The following PREX1 variants were observed in gnomAD, a reference collection of about 807,000 sequenced individuals.
PREX1 encodes the protein phosphatidylinositol 3,4,5-trisphosphate-dependent Rac exchanger 1 protein.
A neutral mutation model predicts 198.3 loss-of-function variants in PREX1; 41 were observed. That is an observed-to-expected ratio of 0.21 (90% CI 0.16 to 0.27). The LOEUF is 0.27. Ranked by LOEUF, PREX1 falls within the 10% of genes least tolerant of loss-of-function variation. PREX1 has a pLI of 1.00. For synonymous variants in PREX1, 843 were observed against 887.2 expected, an observed-to-expected ratio of 0.95 and a Z score of 0.89; for missense variants, 1,620 against 2,200.7, an observed-to-expected ratio of 0.74 and a Z score of 5.28.
At chr20:48,643,594 C>A (rs140775178) in intron 27 of PREX1, among the ~76,000 whole-genome samples, 1 of 152,228 alleles carries the variant, frequency 6.6e-6, no homozygotes, top group African/African-American at 2.4e-5. Context: ...CACCAATGAG[C>A]TCCAAATGCT....
chr20:48,639,549 G>T (rs1266846692), intron 30 of PREX1, among the ~76,000 whole-genome samples: 1 of 152,048 alleles, frequency 6.6e-6, no homozygotes, highest in Non-Finnish European at 1.5e-5. Flanking sequence ...TAGAGACAGG[G>T]TCTCACTATG....
At chr20:48,854,230 A>G in the PREX1 span, among the ~76,000 whole-genome samples, 2 of 152,286 alleles carry the variant, frequency 1.3e-5, no homozygotes, top group Admixed American at 6.5e-5. Flanking sequence ...CTCCCCACTT[A>G]GTAGGAAATT....
At chr20:48,630,880 C>T (rs900688091) in intron 35 of PREX1, 86 bp from the exon 36 acceptor site, 9 of 1,002,984 alleles carry the variant, frequency 9.0e-6, no homozygotes, top group East Asian at 2.5e-5. Context: ...CTGCAGCCAC[C>T]GTGACTCCGC....
intron 1 of PREX1, among the ~76,000 whole-genome samples, chr20:48,825,393 A>T (rs1475977111): frequency 6.6e-6 from 1 of 152,238 alleles, no homozygotes; most frequent in Non-Finnish European, 1.5e-5. Context: ...TCCAAGTCAG[A>T]ACCAATTCAT....
intron 5 of PREX1, among the ~76,000 whole-genome samples, chr20:48,720,152 G>A (rs1220423535): frequency 6.6e-6 from 1 of 152,104 alleles, no homozygotes; most frequent in Non-Finnish European, 1.5e-5. Flanking sequence ...ACCTCTTTCA[G>A]GTCTTTGCTC....
intron 5 of PREX1, among the ~76,000 whole-genome samples, chr20:48,716,835 G>A (rs758464657): frequency 1.3e-5 from 2 of 152,102 alleles, no homozygotes; most frequent in East Asian, 3.9e-4. Flanking sequence ...TCACACACAG[G>A]CCTGAGGCTG....
intron 15 of PREX1, among the ~76,000 whole-genome samples, chr20:48,661,444 A>AAAAAAAATATAT (rs1555832820): frequency 2.0e-5 from 1 of 49,600 alleles, no homozygotes; most frequent in Non-Finnish European, 3.1e-5. Context: ...AAAAAAAAAA[A>AAAAAAAATATAT]ATATATATAT....
chr20:48,729,723 C>A (rs1368918944), intron 4 of PREX1, among the ~76,000 whole-genome samples: 4 of 152,172 alleles, frequency 2.6e-5, no homozygotes, highest in Admixed American at 2.6e-4. Flanking sequence ...CCTCTCCCAC[C>A]ACAACCACGC....
At chr20:48,706,933 A>G (rs1302810223) in intron 6 of PREX1, among the ~76,000 whole-genome samples, 1 of 152,190 alleles carries the variant, frequency 6.6e-6, no homozygotes, top group Non-Finnish European at 1.5e-5. Flanking sequence ...CCAGGTGGGA[A>G]AGGAGAATCA....
the PREX1 span, among the ~76,000 whole-genome samples, chr20:48,878,270 G>T: frequency 6.6e-6 from 1 of 152,194 alleles, no homozygotes; most frequent in Non-Finnish European, 1.5e-5. Flanking sequence ...TATACATGCA[G>T]TAGCCTCATT....
chr20:48,751,085 AG>A (rs1194363167), intron 1 of PREX1, among the ~76,000 whole-genome samples: 1 of 152,230 alleles, frequency 6.6e-6, no homozygotes, highest in Non-Finnish European at 1.5e-5. Context: ...AGCAAATAGC[AG>A]GTGCTTGAAA....
intron 5 of PREX1, among the ~76,000 whole-genome samples, chr20:48,718,582 CT>C (rs1227054944): frequency 6.6e-6 from 1 of 152,028 alleles, no homozygotes; most frequent in Non-Finnish European, 1.5e-5. Flanking sequence ...CGAAACGCTC[CT>C]GTTAGAAGAT....
At chr20:48,661,554 T>TACAC (rs1416660745) in intron 15 of PREX1, among the ~76,000 whole-genome samples, 3 of 136,526 alleles carry the variant, frequency 2.2e-5, no homozygotes, top group African/African-American at 8.5e-5. Context: ...TATATATATA[T>TACAC]ATACACACAC....
intron 3 of PREX1, among the ~76,000 whole-genome samples, chr20:48,737,767 T>C (rs1461626502): frequency 6.6e-6 from 1 of 152,156 alleles, no homozygotes; most frequent in Non-Finnish European, 1.5e-5. Context: ...CCTGCCACCA[T>C]GTGAGGCATG....
chr20:48,775,283 G>A (rs544715512), intron 1 of PREX1, among the ~76,000 whole-genome samples: 18 of 152,140 alleles, frequency 1.2e-4, no homozygotes, highest in Admixed American at 6.5e-4. Flanking sequence ...AATAGACTGC[G>A]AAGCCTTACG....
chr20:48,707,282 G>A (rs777674360), intron 6 of PREX1, among the ~76,000 whole-genome samples: 24 of 152,162 alleles, frequency 1.6e-4, no homozygotes, highest in Non-Finnish European at 3.2e-4. Flanking sequence ...CTGAAGCCGG[G>A]AAATAGAGCT....
chr20:48,642,429 C>T lies in PREX1; in HGVS notation c.3662G>A (p.Cys1221Tyr). ...PSDKQDKLHG[C>Y]LEHLFNQVDS... ...TACCTGGTTAAAGAGGTGCTCCAGGCAGCCATGAAGCTTGTCCTGCTTGTC... is the reference window on the plus strand; with the variant it reads ...TACCTGGTTAAAGAGGTGCTCCAGGTAGCCATGAAGCTTGTCCTGCTTGTC... Residue 1221 changes from cysteine to tyrosine, a missense_variant, in exon 28 of 40, where the codon TGC (cysteine) becomes TAC (tyrosine). Cys to Tyr is a radical substitution (Grantham distance 194, BLOSUM62 -2). Transcript: ENST00000371941. 1 of 1,613,314 alleles carries T rather than the reference C, an allele frequency of 6.2e-7. No homozygotes were observed. The highest frequency in any genetic ancestry group is 8.5e-7 in the Non-Finnish European group (1 of 1,179,388).
chr20:48,830,988 CA>C (rs1416019233), upstream of PREX1, among the ~76,000 whole-genome samples: 1 of 152,172 alleles, frequency 6.6e-6, no homozygotes, highest in Admixed American at 6.5e-5. Flanking sequence ...CATTATTTAG[CA>C]AGAGGTCCAG....
At chr20:48,739,792 C>T (rs1289322805) in intron 3 of PREX1, among the ~76,000 whole-genome samples, 2 of 152,214 alleles carry the variant, frequency 1.3e-5, no homozygotes, top group African/African-American at 4.8e-5. Flanking sequence ...CAAATCCTGG[C>T]TCTGATGCTT....
Sources: allele counts gnomAD v4.1 joint callset (sites outside exome capture counted in the v4.1 genomes callset), GRCh38; gene constraint gnomAD v4.1.1; transcripts MANE v1.5; gene names NCBI Gene and HGNC (gene_info 2026-07-23, HGNC 2026-07-21).